ERCC8: variants seen among roughly 807,000 people sequenced by gnomAD.
The protein encoded by ERCC8 is ERCC excision repair 8, CSA ubiquitin ligase complex subunit.
A neutral mutation model predicts 54.9 loss-of-function variants in ERCC8; 52 were observed. The ratio of observed to expected loss-of-function variants is 0.95; its 90% CI spans 0.76 to 1.19. The LOEUF (loss-of-function observed/expected upper bound fraction) is 1.19. ERCC8 is among the 50% of genes most tolerant of loss of function. ERCC8 has a pLI of 0.00. For missense variants in ERCC8, 514 were observed against 466.1 expected, an observed-to-expected ratio of 1.10 and a Z score of -0.95; for synonymous variants, 146 against 157.2, an observed-to-expected ratio of 0.93 and a Z score of 0.53.
chr5:60,930,418 G>A (rs1024525510), intron 1 of ERCC8, among the ~76,000 whole-genome samples: 32 of 152,242 alleles, frequency 2.1e-4, no homozygotes, highest in East Asian at 1.9e-3. Flanking sequence ...TTAGCTGGGC[G>A]TGGTGGCCTG....
At chr5:60,928,457 A>G (rs571712563) in intron 2 of ERCC8, among the ~76,000 whole-genome samples, 1 of 152,318 alleles carries the variant, frequency 6.6e-6, no homozygotes, top group East Asian at 1.9e-4. Context: ...GAAGAACTCA[A>G]ATATAATTCT....
intron 7 of ERCC8, 40 bp from the exon 8 acceptor site, chr5:60,899,767 G>A (rs1248960694): frequency 7.0e-7 from 1 of 1,420,830 alleles, no homozygotes; most frequent in East Asian, 2.3e-5. Context: ...ATGTAGCTAG[G>A]ACAATGACTG....
intron 4 of ERCC8, among the ~76,000 whole-genome samples, chr5:60,906,873 G>C (rs754713736): frequency 1.3e-5 from 2 of 152,202 alleles, no homozygotes; most frequent in Non-Finnish European, 2.9e-5. Context: ...AGGCAAGAGG[G>C]GGTGGTGGCT....
intron 1 of ERCC8, among the ~76,000 whole-genome samples, chr5:60,929,576 G>T (rs897977816): frequency 6.6e-6 from 1 of 152,120 alleles, no homozygotes; most frequent in Non-Finnish European, 1.5e-5. Context: ...GACAGAGTGA[G>T]ATCCTGTCTT....
At chr5:60,891,844 T>C in intron 9 of ERCC8, 1 of 398,034 alleles carries the variant, frequency 2.5e-6, no homozygotes, top group Non-Finnish European at 5.0e-6. Context: ...ATGCAGATGC[T>C]TCAGGGAGAA....
intron 7 of ERCC8, among the ~76,000 whole-genome samples, chr5:60,901,507 C>G (rs1748902906): frequency 6.6e-6 from 1 of 152,020 alleles, no homozygotes; most frequent in Admixed American, 6.6e-5. Flanking sequence ...CATCCTCATT[C>G]CTATATTTTC....
rs17392014 is a variant in ERCC8 at position 60,869,373 on chromosome 5, G to T, written c.*5242C>A. Among the ~76,000 whole-genome samples the T allele has an allele frequency of 6.6e-6, 1 of 151,814 alleles. No individual in the cohort carries two copies. Among genetic ancestry groups the T allele is most frequent in the Non-Finnish European group, 1.5e-5 (1 of 67,960 alleles). ...TATTTTTCTACCACTGTCTCATTTCGATTTTAAATAATAAAGCTAATGGTG... is the reference window on the plus strand; with the variant it reads ...TATTTTTCTACCACTGTCTCATTTCTATTTTAAATAATAAAGCTAATGGTG... On this transcript the variant is annotated 3_prime_UTR_variant, in exon 12 of 12. Transcript: ENST00000676185.
chr5:60,884,778 T>C (rs1748347772), intron 11 of ERCC8, among the ~76,000 whole-genome samples: 2 of 152,060 alleles, frequency 1.3e-5, no homozygotes. Flanking sequence ...GCACATACCA[T>C]TTTATATTAA....
intron 4 of ERCC8, among the ~76,000 whole-genome samples, chr5:60,907,841 T>C (rs751452995): frequency 2.6e-5 from 4 of 152,176 alleles, no homozygotes; most frequent in Admixed American, 6.5e-5. Context: ...TAATTCCTTA[T>C]CTCCCACGTA....
chr5:60,880,511 G>A lies in ERCC8; in HGVS notation c.1123-5828C>T, dbSNP rs958766149. ...TCACTTTCAGGTACACCAATCAGAT[G>A]TAGATTTGGTCTTTTCACATAGTCC... On this transcript the variant is annotated intron_variant, in intron 11 of 11. Coordinates refer to ENST00000676185, the MANE Select transcript of ERCC8 (RefSeq NM_000082.4). 1.8e-4 allele frequency among the ~76,000 whole-genome samples: 28 copies of A among 152,196 alleles called. 1 individual carries two copies. Among genetic ancestry groups the A allele is most frequent in the Non-Finnish European group, 5.9e-5 (4 of 68,040 alleles).
intron 3 of ERCC8, chr5:60,919,655 T>C (rs1749545414): frequency 1.3e-5 from 2 of 152,052 alleles, no homozygotes; most frequent in South Asian, 2.1e-4. Flanking sequence ...ATTATTTTTA[T>C]AGGTTAACTA....
intron 1 of ERCC8, among the ~76,000 whole-genome samples, chr5:60,938,048 C>CATATAT (rs1170248858): frequency 0.016 from 370 of 23,154 alleles, 1 homozygote; most frequent in East Asian, 0.066. Context: ...TACATACATA[C>CATATAT]ATATATATAT....
chr5:60,895,159 G>C (rs1748688265), intron 9 of ERCC8, among the ~76,000 whole-genome samples: 1 of 119,878 alleles, frequency 8.3e-6, no homozygotes, highest in Non-Finnish European at 1.6e-5. Context: ...AACAAAGCGA[G>C]ACTCTACCTC....
Position 60,867,243 on chromosome 5 carries a change from A to G in ERCC8, c.*7372T>C, listed in dbSNP as rs963813014. On this transcript the variant is annotated 3_prime_UTR_variant, in exon 12 of 12. Transcript: ENST00000676185. Reference sequence around the variant, plus strand: ...ACTCAGGACTTTTGATTTCCAGTCCACTGTTATTTCTTTTTCTTTTCATTT... The same window carrying G: ...ACTCAGGACTTTTGATTTCCAGTCCGCTGTTATTTCTTTTTCTTTTCATTT... 2.0e-5 allele frequency among the ~76,000 whole-genome samples: 3 copies of G among 152,002 alleles called. No individual in the cohort carries two copies. Among genetic ancestry groups the G allele is most frequent in the African/African-American group, 7.2e-5 (3 of 41,390 alleles).
chr5:60,926,960 G>T lies in ERCC8; in HGVS notation c.173+1904C>A, dbSNP rs371916112. Among the ~76,000 whole-genome samples, 7 of 152,294 alleles carry T rather than the reference G, an allele frequency of 4.6e-5. No homozygotes were observed. The East Asian group carries it at 1.4e-3, about 29-fold the overall frequency. ...TCTATTTGAAGTATCTGATGGCACTGACATTAACTATGAGATACTTTTTGC... is the reference window on the plus strand; with the variant it reads ...TCTATTTGAAGTATCTGATGGCACTTACATTAACTATGAGATACTTTTTGC... On this transcript the variant is annotated intron_variant, in intron 2 of 11. Coordinates refer to ENST00000676185, the MANE Select transcript of ERCC8 (RefSeq NM_000082.4).
chr5:60,909,331 T>G (rs1749183679), intron 4 of ERCC8, among the ~76,000 whole-genome samples: 1 of 120,778 alleles, frequency 8.3e-6, no homozygotes, highest in Non-Finnish European at 1.6e-5. Flanking sequence ...GCTCTGAAAC[T>G]AAAGCAAATA....
intron 4 of ERCC8, among the ~76,000 whole-genome samples, chr5:60,913,098 T>C (rs992376786): frequency 1.3e-5 from 2 of 152,162 alleles, no homozygotes; most frequent in African/African-American, 4.8e-5. Context: ...AGGATGATGC[T>C]GGCCTCATAA....
chr5:60,893,579 A>G (rs960025552), intron 9 of ERCC8: 2 of 662,808 alleles, frequency 3.0e-6, no homozygotes, highest in African/African-American at 3.6e-5. Context: ...TTTCATCATC[A>G]TGATCAGCTT....
At chr5:60,875,754 T>C (rs1747979350) in intron 11 of ERCC8, among the ~76,000 whole-genome samples, 1 of 152,152 alleles carries the variant, frequency 6.6e-6, no homozygotes, top group Non-Finnish European at 1.5e-5. Context: ...TGGAGTGCAG[T>C]GGCGCGATCT....
Sources: allele counts gnomAD v4.1 joint callset (sites outside exome capture counted in the v4.1 genomes callset), GRCh38; gene constraint gnomAD v4.1.1; transcripts MANE v1.5; gene names NCBI Gene and HGNC (gene_info 2026-07-23, HGNC 2026-07-21).